The following PCDHA3 variants were observed in gnomAD, a reference collection of about 807,000 sequenced individuals.
PCDHA3 encodes protocadherin alpha-3.
Under a neutral mutation model 62.2 loss-of-function variants are expected in PCDHA3, and 41 were observed. That is an observed-to-expected ratio of 0.66 (90% CI 0.51 to 0.86). The LOEUF (loss-of-function observed/expected upper bound fraction) is 0.86. Among genes scored for constraint, PCDHA3 ranks in the 40% least tolerant of loss-of-function variants. The pLI is 0.00. For synonymous variants in PCDHA3, 640 were observed against 555.4 expected (o/e 1.15, Z -2.14); for missense variants, 1,304 against 1,241.2 (o/e 1.05, Z -0.76).
chr5:140,841,601 G>A (rs2150319014), intron 1 of PCDHA3: 29 of 1,614,018 alleles, frequency 1.8e-5, no homozygotes, highest in South Asian at 8.8e-5. Context: ...CGACCGCGAG[G>A]AGCTGTGCGG....
rs781919488 is a variant in PCDHA3 at position 141,010,129 on chromosome 5, G to T, written c.*192G>T. 1 of 1,601,910 alleles carries T rather than the reference G, an allele frequency of 6.2e-7. No individual in the cohort carries two copies. Among genetic ancestry groups the T allele is most frequent in the East Asian group, 2.2e-5 (1 of 44,578 alleles). ...TGTCGTAAAAGCTTTACTAAGTCTGGTGTTAACTCTTTCTCTCCACTCTGG... is the reference window on the plus strand; with the variant it reads ...TGTCGTAAAAGCTTTACTAAGTCTGTTGTTAACTCTTTCTCTCCACTCTGG... On this transcript the variant is annotated 3_prime_UTR_variant, in exon 4 of 4. Transcript: ENST00000522353.
rs549678873 is a variant in PCDHA3, at chr5:140,877,710, G to GA, written c.2394+74120dup. ...CGCTGGTGTGCTCCAGCGCCGTGGG[G>GA]AGTTGGTCTTACTCGCAGCAGAGGA... is the stretch of plus-strand genomic sequence containing the variant. On this transcript the variant is annotated intron_variant, in intron 1 of 3. Transcript: ENST00000522353. 3.7e-5 allele frequency: 60 copies of GA among 1,614,098 alleles called. 1 individual carries two copies. The Admixed American group carries it at 8.2e-4, about 22-fold the overall frequency.
chr5:140,876,456 TTCC>T, intron 1 of PCDHA3: 1 of 1,614,050 alleles, frequency 6.2e-7, no homozygotes, highest in Non-Finnish European at 8.5e-7. Flanking sequence ...AAGGGATTCC[TTCC>T]ATGGCAGGTC....
chr5:140,903,121 C>A (rs2070010801), intron 1 of PCDHA3, among the ~76,000 whole-genome samples: 2 of 152,188 alleles, frequency 1.3e-5, no homozygotes, highest in Non-Finnish European at 2.9e-5. Flanking sequence ...ACTTCTAAAT[C>A]TTTAAGAAAT....
intron 1 of PCDHA3, chr5:140,862,804 C>A: frequency 5.2e-6 from 3 of 574,138 alleles, no homozygotes; most frequent in Non-Finnish European, 6.7e-6. Context: ...GCTGGAGCTG[C>A]TGCAGTTCTA....
chr5:140,852,108 G>A, intron 1 of PCDHA3: 1 of 906,254 alleles, frequency 1.1e-6, no homozygotes, highest in Non-Finnish European at 1.3e-6. Context: ...TATTTTACAA[G>A]GTATGACCTA....
intron 1 of PCDHA3, among the ~76,000 whole-genome samples, chr5:140,943,825 T>C (rs1421631991): frequency 6.6e-6 from 1 of 152,128 alleles, no homozygotes; most frequent in East Asian, 1.9e-4. Context: ...GAAAATGAGT[T>C]GATTGAAGTT....
rs147351924 is a variant in PCDHA3, at chr5:141,009,782, C to T, written c.2698C>T (p.Arg900Trp). 27 of 1,613,956 alleles carry T rather than the reference C, an allele frequency of 1.7e-5. No homozygotes were observed. The highest frequency in any genetic ancestry group is 9.9e-5 in the South Asian group (9 of 91,070). ...AGGATCTCCTGCAATCATCTCCATCCGGCAGGAGCCTACTAACAGCCAAAT... is the reference window on the plus strand; with the variant it reads ...AGGATCTCCTGCAATCATCTCCATCTGGCAGGAGCCTACTAACAGCCAAAT... ...IPGSPAIISI[R>W]QEPTNSQIDK... is the part of the protein sequence containing the mutation. The change falls in exon 4 of 4, where the codon CGG becomes TGG. Residue 900 changes from arginine (R) to tryptophan (W), a missense_variant. Coordinates refer to ENST00000522353, the MANE Select transcript of PCDHA3 (RefSeq NM_018906.3).
intron 1 of PCDHA3, chr5:140,869,581 G>A: frequency 1.9e-6 from 3 of 1,614,134 alleles, no homozygotes; most frequent in East Asian, 2.2e-5. Flanking sequence ...AGCTTCTGAT[G>A]CTGACATTGA....
At chr5:140,845,692 G>A (rs1440776749) in intron 1 of PCDHA3, among the ~76,000 whole-genome samples, 1 of 149,364 alleles carries the variant, frequency 6.7e-6, no homozygotes, top group Non-Finnish European at 1.5e-5. Flanking sequence ...TTGTTATTCA[G>A]TTCCTTGGCA....
intron 1 of PCDHA3, chr5:140,829,702 G>T (rs1295697160): frequency 6.2e-7 from 1 of 1,613,390 alleles, no homozygotes; most frequent in Admixed American, 1.7e-5. Flanking sequence ...AGGTGAGCGC[G>T]CGCGACGCGG....
chr5:140,807,771 T>C lies in PCDHA3; in HGVS notation c.2394+4180T>C, dbSNP rs782033818. 6.2e-6 allele frequency: 10 copies of C among 1,614,170 alleles called. No individual in the cohort carries two copies. The South Asian group carries it at 9.9e-5, about 16-fold the overall frequency. On this transcript the variant is annotated intron_variant, in intron 1 of 3. Coordinates refer to ENST00000522353, the MANE Select transcript of PCDHA3 (RefSeq NM_018906.3). ...GAGCTGGTAAAAGGTCTTGGGCTTA[T>C]ATTACGGAAATCTTTAGACAGAGAA...
chr5:140,808,584 A>G (rs1301708433), intron 1 of PCDHA3: 1 of 1,614,032 alleles, frequency 6.2e-7, no homozygotes, highest in East Asian at 2.2e-5. Context: ...TTCGTGAAGG[A>G]GAACAACCCG....
Position 140,849,623 on chromosome 5 carries a change from C to T in PCDHA3, c.2394+46032C>T, listed in dbSNP as rs1554143110. 1.3e-5 allele frequency: 21 copies of T among 1,598,756 alleles called. 2 individuals are homozygous for T. The highest frequency in any genetic ancestry group is 1.5e-5 in the Non-Finnish European group (18 of 1,167,974). ...TTATTGCCCTGATTAGTGTGATCGA[C>T]CTAGACGCAGATGCCAACGGGCAGG... On this transcript the variant is annotated intron_variant, in intron 1 of 3. Transcript: ENST00000522353.
At chr5:140,959,544 T>C (rs2095494180) in intron 1 of PCDHA3, among the ~76,000 whole-genome samples, 1 of 152,208 alleles carries the variant, frequency 6.6e-6, no homozygotes, top group Non-Finnish European at 1.5e-5. Context: ...AGAGATGCTG[T>C]ATAAATAGAA....
intron 1 of PCDHA3, chr5:140,883,818 T>A (rs1349664661): frequency 6.2e-7 from 1 of 1,612,072 alleles, no homozygotes; most frequent in African/African-American, 1.3e-5. Flanking sequence ...AGCGGCAAGG[T>A]GTACGCGCTG....
chr5:140,842,182 T>A (rs200850648), intron 1 of PCDHA3: 1 of 1,613,440 alleles, frequency 6.2e-7, no homozygotes, highest in Non-Finnish European at 8.5e-7. Flanking sequence ...TTGTTGAAAC[T>A]ATGGTTATTG....
intron 1 of PCDHA3, chr5:140,864,667 T>G (rs1234979234): frequency 2.6e-5 from 4 of 152,252 alleles, no homozygotes; most frequent in Non-Finnish European, 5.9e-5. Context: ...AATTACCTGT[T>G]GACTTAATTG....
intron 1 of PCDHA3, chr5:140,841,278 T>G: frequency 1.3e-6 from 2 of 1,521,566 alleles, no homozygotes; most frequent in South Asian, 1.3e-5. Flanking sequence ...GTCGTTCATC[T>G]TTATATTAAG....
Sources: allele counts gnomAD v4.1 joint callset (sites outside exome capture counted in the v4.1 genomes callset), GRCh38; gene constraint gnomAD v4.1.1; transcripts MANE v1.5; gene names NCBI Gene and HGNC (gene_info 2026-07-23, HGNC 2026-07-21).